PPM1D: variants seen among roughly 807,000 people sequenced by gnomAD.
PPM1D encodes protein phosphatase 1D.
A neutral mutation model predicts 58.3 loss-of-function variants in PPM1D; 52 were observed. That is an observed-to-expected ratio of 0.89 (90% CI 0.71 to 1.12). The LOEUF is 1.12. PPM1D is among the 50% of genes most tolerant of loss of function. The pLI is 0.00. For synonymous variants in PPM1D, 278 were observed against 285.1 expected (o/e 0.98, Z 0.25); for missense variants, 564 against 777.2 (o/e 0.73, Z 3.26).
intron 3 of PPM1D, among the ~76,000 whole-genome samples, chr17:60,634,607 C>G (rs2030988962): frequency 6.6e-6 from 1 of 152,016 alleles, no homozygotes; most frequent in Non-Finnish European, 1.5e-5. Context: ...CCTTCAAAAC[C>G]TCTTTTTTCT....
chr17:60,658,970 A>G (rs1490945673), intron 5 of PPM1D, among the ~76,000 whole-genome samples: 1 of 151,700 alleles, frequency 6.6e-6, no homozygotes, highest in Non-Finnish European at 1.5e-5. Flanking sequence ...AATAATAATA[A>G]TAATAATAAT....
chr17:60,627,251 C>T (rs532002420), intron 2 of PPM1D, among the ~76,000 whole-genome samples: 17 of 152,146 alleles, frequency 1.1e-4, no homozygotes, highest in African/African-American at 3.4e-4. Flanking sequence ...GTCTTAGAAA[C>T]TCTGTTTGTT....
intron 3 of PPM1D, among the ~76,000 whole-genome samples, chr17:60,637,130 G>A (rs1167253596): frequency 3.3e-5 from 5 of 151,922 alleles, no homozygotes; most frequent in African/African-American, 4.8e-5. Context: ...CCCCACGCCC[G>A]GCTAATTTTG....
intron 1 of PPM1D, among the ~76,000 whole-genome samples, chr17:60,602,165 G>T (rs1421633193): frequency 6.6e-6 from 1 of 152,156 alleles, no homozygotes; most frequent in Non-Finnish European, 1.5e-5. Context: ...CATCCCAGGG[G>T]CCCCTCTTTA....
intron 4 of PPM1D, among the ~76,000 whole-genome samples, chr17:60,652,888 T>G (rs1345156374): frequency 6.6e-6 from 1 of 152,198 alleles, no homozygotes; most frequent in Non-Finnish European, 1.5e-5. Flanking sequence ...TGCTACTGAT[T>G]TGAGCTCCTT....
intron 4 of PPM1D, 82 bp downstream of exon 4, chr17:60,648,164 G>A (rs2031281460): frequency 7.0e-6 from 10 of 1,436,628 alleles, no homozygotes; most frequent in South Asian, 1.4e-5. Context: ...ATGAACTAAG[G>A]ACATTGACCT....
intron 2 of PPM1D, among the ~76,000 whole-genome samples, chr17:60,633,230 A>G (rs954856208): frequency 2.0e-5 from 3 of 152,146 alleles, no homozygotes; most frequent in Non-Finnish European, 4.4e-5. Flanking sequence ...GGTTGTGGTG[A>G]GCTGAGATCA....
At chr17:60,629,417 T>C (rs754707125) in intron 2 of PPM1D, among the ~76,000 whole-genome samples, 2 of 152,364 alleles carry the variant, frequency 1.3e-5, no homozygotes, top group African/African-American at 2.4e-5. Flanking sequence ...GAATCACTGC[T>C]GAAGACAATA....
At chr17:60,657,164 G>A in intron 5 of PPM1D, 1 of 1,034,642 alleles carries the variant, frequency 9.7e-7, no homozygotes, top group South Asian at 2.0e-5. Flanking sequence ...TAGCCCAGAA[G>A]TAGAGCTAAT....
At chr17:60,621,972 G>A (rs1425392038) in intron 1 of PPM1D, among the ~76,000 whole-genome samples, 1 of 150,252 alleles carries the variant, frequency 6.7e-6, no homozygotes, top group Non-Finnish European at 1.5e-5. Flanking sequence ...CAGATCACGA[G>A]GTCAGGAGAT....
intron 4 of PPM1D, among the ~76,000 whole-genome samples, chr17:60,649,497 C>A (rs1402937118): frequency 6.6e-6 from 1 of 151,832 alleles, no homozygotes; most frequent in African/African-American, 2.4e-5. Context: ...AGAGACCAGC[C>A]TGGCCAACAT....
At chr17:60,651,780 A>AT (rs1281088458) in intron 4 of PPM1D, among the ~76,000 whole-genome samples, 14 of 152,332 alleles carry the variant, frequency 9.2e-5, no homozygotes, top group Non-Finnish European at 1.9e-4. Context: ...GGTATTCTAC[A>AT]TGAAGAAAAC....
At chr17:60,653,159 A>G (rs2031375188) in intron 4 of PPM1D, among the ~76,000 whole-genome samples, 1 of 152,152 alleles carries the variant, frequency 6.6e-6, no homozygotes, top group Admixed American at 6.6e-5. Flanking sequence ...CACAGAGGGA[A>G]TAGAATTGTG....
At chr17:60,659,655 A>G (rs1425489161) in intron 5 of PPM1D, among the ~76,000 whole-genome samples, 2 of 152,336 alleles carry the variant, frequency 1.3e-5, no homozygotes, top group Admixed American at 1.3e-4. Flanking sequence ...ATGGGAGGAG[A>G]AAGTTGATCT....
intron 1 of PPM1D, among the ~76,000 whole-genome samples, chr17:60,607,782 G>A (rs1210714729): frequency 1.3e-5 from 2 of 152,192 alleles, no homozygotes; most frequent in African/African-American, 4.8e-5. Context: ...GTGATCTCTG[G>A]TGTGATTACA....
intron 3 of PPM1D, among the ~76,000 whole-genome samples, chr17:60,638,035 A>G (rs1047156566): frequency 6.6e-6 from 1 of 152,216 alleles, no homozygotes; most frequent in Non-Finnish European, 1.5e-5. Flanking sequence ...GTGGAATAGC[A>G]AGACCACAAC....
Position 60,600,310 on chromosome 17 carries a change from GCGT to G in PPM1D, c.-99_-97del. 6.8e-7 allele frequency: 1 copy of G among 1,460,218 alleles called. No homozygotes were observed. The highest frequency in any genetic ancestry group is 9.0e-7 in the Non-Finnish European group (1 of 1,112,710). The allele number at this position is 1,460,218 out of a possible 1,614,324, so 90.5% of individuals were successfully genotyped here. Reference sequence around the variant, plus strand: ...CGGGTCCGCCCCCTCCCCCTTCTCGGCGTCGTCGAAGATAAACAATAGTTGGCC... The same window carrying G: ...CGGGTCCGCCCCCTCCCCCTTCTCGGCGTCGAAGATAAACAATAGTTGGCC... On this transcript the variant is annotated 5_prime_UTR_variant, in exon 1 of 6. Coordinates refer to ENST00000305921, the MANE Select transcript of PPM1D (RefSeq NM_003620.4).
chr17:60,606,437 G>A (rs188325568), intron 1 of PPM1D, among the ~76,000 whole-genome samples: 2 of 152,212 alleles, frequency 1.3e-5, no homozygotes, highest in African/African-American at 4.8e-5. Flanking sequence ...GGATCATATG[G>A]TAATTCTATG....
chr17:60,660,147 C>T (rs999558436), intron 5 of PPM1D, among the ~76,000 whole-genome samples: 6 of 151,962 alleles, frequency 3.9e-5, no homozygotes, highest in Non-Finnish European at 8.8e-5. Context: ...ACCAGCCTGG[C>T]CAACATGGTG....
Sources: gnomAD v4.1 joint callset for allele counts (sites outside exome capture counted in the v4.1 genomes callset) on GRCh38, gnomAD v4.1.1 for gene constraint, MANE v1.5 for transcripts, NCBI Gene and HGNC (gene_info 2026-07-23, HGNC 2026-07-21) for gene names.